IRF7: variants seen among roughly 807,000 people sequenced by gnomAD.
IRF7 encodes interferon regulatory factor-7H.
In IRF7, 67 loss-of-function variants were observed where a neutral mutation model predicts 51.3. That is an observed-to-expected ratio of 1.31 (90% CI 1.07 to 1.60). The LOEUF is 1.60. Ranked by LOEUF, IRF7 falls within the 40% of genes most tolerant of loss-of-function variation. The pLI is 0.00. For synonymous variants in IRF7, 427 were observed against 301.3 expected (o/e 1.42, Z -4.32); for missense variants, 873 against 701.5 (o/e 1.24, Z -2.76).
In IRF7 at chr11:613,612, CTG is replaced by C. The variant is rs1856587262; in HGVS notation, c.848-19_848-18del. On this transcript the variant is annotated intron_variant, in intron 8 of 10. Coordinates refer to ENST00000525445, the MANE Select transcript of IRF7 (RefSeq NM_001572.5). ...GGCTGGGCTCTGTGTGGAGACCAAG[CTG>C]TGAGTGACGGGGGTGGGCGGGGACA... is the stretch of plus-strand genomic sequence containing the variant. 4 of 1,381,294 alleles carry C rather than the reference CTG, an allele frequency of 2.9e-6. No homozygotes were observed. Among genetic ancestry groups the C allele is most frequent in the Non-Finnish European group, 3.8e-6 (4 of 1,051,498 alleles). 85.6% of individuals were successfully genotyped at this position (1,381,294 alleles called of 1,614,324 possible). A position where few individuals can be genotyped will look rare whatever the true frequency, so the allele number is the denominator to read the frequency against.
Position 615,254 on chromosome 11 carries a change from G to A in IRF7, c.26C>T (p.Ala9Val). Residue 9 changes from alanine to valine, a missense_variant, in exon 3 of 11, where the codon GCC (alanine) becomes GTC (valine). Physicochemically the swap from Ala to Val is moderately conservative, Grantham distance 64 (BLOSUM62 0). Coordinates refer to ENST00000525445, the MANE Select transcript of IRF7 (RefSeq NM_001572.5). ...CCACTCTCCGAACAGCACGCGTGGGGCTGCCCTGCGGGTGCCCGGCCGCGG... is the reference window on the plus strand; with the variant it reads ...CCACTCTCCGAACAGCACGCGTGGGACTGCCCTGCGGGTGCCCGGCCGCGG... MALAPERA[A>V]PRVLFGEWLL... 6.3e-7 allele frequency: 1 copy of A among 1,581,432 alleles called. No homozygotes were observed. Among genetic ancestry groups the A allele is most frequent in the Non-Finnish European group, 8.6e-7 (1 of 1,168,694 alleles).
chr11:615,425 T>A lies in IRF7; in HGVS notation c.-61A>T. On this transcript the variant is annotated 5_prime_UTR_variant, in exon 2 of 11. Coordinates refer to ENST00000525445, the MANE Select transcript of IRF7 (RefSeq NM_001572.5). Reference sequence around the variant, plus strand: ...GTGTTATAACAGGGGAGGTAAGGGCTCCTGTCGCAGCAGACGCCAGGCCGC... The same window carrying A: ...GTGTTATAACAGGGGAGGTAAGGGCACCTGTCGCAGCAGACGCCAGGCCGC... 1 of 1,450,444 alleles carries A rather than the reference T, an allele frequency of 6.9e-7. No individual in the cohort carries two copies. Among genetic ancestry groups the A allele is most frequent in the African/African-American group, 1.4e-5 (1 of 70,226 alleles). 89.8% of individuals were successfully genotyped at this position (1,450,444 alleles called of 1,614,324 possible).
rs760482717 is a variant in IRF7, at chr11:614,554, GCGTTAGGCCC to G, written c.395-30_395-21del. The G allele has an allele frequency of 1.0e-5, 16 of 1,550,866 alleles. No individual in the cohort carries two copies. In the African/African-American group the frequency reaches 2.2e-4, roughly 21 times the overall value. On this transcript the variant is annotated intron_variant, in intron 4 of 10. Coordinates refer to ENST00000525445, the MANE Select transcript of IRF7 (RefSeq NM_001572.5). ...GGCCTTCTGAGAGAGAATGGGGCAG[GCGTTAGGCCC>G]CGACACCAGAGTGAGAGATACAAGG...
At position 613,492 on chromosome 11, in the gene IRF7, T is replaced by G; in HGVS notation, c.951A>C (p.Pro317=). ...HPSCTFLYGP[P]DPAVRATDPQ... ...GGTCTGTGGCCCGGACAGCTGGGTC[T>G]GGGGGGCCGTATAGGAACGTGCAGC... The change falls in exon 9 of 11, where the codon CCA becomes CCC. Residue 317 remains proline (P), a synonymous_variant. Coordinates refer to ENST00000525445, the MANE Select transcript of IRF7 (RefSeq NM_001572.5). The G allele has an allele frequency of 6.5e-7, 1 of 1,542,820 alleles. No homozygotes were observed. Among genetic ancestry groups the G allele is most frequent in the Non-Finnish European group, 8.7e-7 (1 of 1,146,596 alleles).
chr11:612,923 C>T (rs1856521321), intron 10 of IRF7, 76 bp downstream of exon 10: 14 of 1,584,680 alleles, frequency 8.8e-6, no homozygotes, highest in South Asian at 2.2e-5. Flanking sequence ...TCCCCCTCTC[C>T]GAGGCTCTGA....
chr11:614,700 C>T, intron 4 of IRF7, 97 bp downstream of exon 4: 2 of 1,430,126 alleles, frequency 1.4e-6, no homozygotes, highest in Admixed American at 2.3e-5. Flanking sequence ...CAGCCTCTCC[C>T]AGAACAGCTT....
rs1483835403 is a variant in IRF7 at position 613,413 on chromosome 11, G to A, written c.1030C>T (p.Arg344Cys). The change falls in exon 9 of 11, where the codon CGC becomes TGC. Residue 344 changes from arginine (R) to cysteine (C), a missense_variant. Physicochemically the swap from Arg to Cys is radical, Grantham distance 180. Coordinates refer to ENST00000525445, the MANE Select transcript of IRF7 (RefSeq NM_001572.5). Reference sequence around the variant, plus strand: ...TGCCGCAGCAGTTCCTCCGTGTAGCGCAGCTGCTTCTGGTCCGGGAGCTCG... The same window carrying A: ...TGCCGCAGCAGTTCCTCCGTGTAGCACAGCTGCTTCTGGTCCGGGAGCTCG... ...PAELPDQKQL[R>C]YTEELLRHVA... 6.3e-6 allele frequency: 10 copies of A among 1,575,030 alleles called. No homozygotes were observed. Among genetic ancestry groups the A allele is most frequent in the Middle Eastern group, 1.7e-4 (1 of 5,918 alleles).
chr11:613,893 G>A (rs773181733), intron 7 of IRF7, 28 bp from the exon 8 acceptor site: 60 of 1,598,380 alleles, frequency 3.8e-5, no homozygotes, highest in Admixed American at 1.4e-4. Flanking sequence ...TCCTGTGCTG[G>A]CACCTCATCC....
In IRF7 at chr11:613,517, C is replaced by T. The variant is rs1856575480; in HGVS notation, c.926G>A (p.Ser309Asn). Reference sequence around the variant, plus strand: ...TGGGGGGCCGTATAGGAACGTGCAGCTCGGGTGTCCCACCACCTTCTGCAG... The same window carrying T: ...TGGGGGGCCGTATAGGAACGTGCAGTTCGGGTGTCCCACCACCTTCTGCAG... Reference protein sequence around the residue: ...TVLQKVVGHPSCTFLYGPPDP... With the variant: ...TVLQKVVGHPNCTFLYGPPDP... The change falls in exon 9 of 11, where the codon AGC becomes AAC. Residue 309 changes from serine (S) to asparagine (N), a missense_variant. Transcript: ENST00000525445. The T allele has an allele frequency of 6.4e-7, 1 of 1,561,980 alleles. No homozygotes were observed. The highest frequency in any genetic ancestry group is 2.2e-5 in the East Asian group (1 of 44,556).
rs1013971273 is a variant in IRF7, at chr11:615,658, G to C, written c.-283-11C>G. 5.0e-6 allele frequency: 2 copies of C among 400,744 alleles called. No homozygotes were observed. Among genetic ancestry groups the C allele is most frequent in the Non-Finnish European group, 8.8e-6 (2 of 226,664 alleles). The allele number at this position is 400,744 out of a possible 1,614,324, so 24.8% of individuals were successfully genotyped here. A position where few individuals can be genotyped will look rare whatever the true frequency, so the allele number is the denominator to read the frequency against. On this transcript the variant is annotated splice_polypyrimidine_tract_variant and intron_variant, in intron 1 of 10. Coordinates refer to ENST00000525445, the MANE Select transcript of IRF7 (RefSeq NM_001572.5). ...GGCGCAGGCCGGACCCTGCGGAGAC[G>C]GGAAAGGCGACGTCAGGGGCGGGTC...
rs557367492 is a variant in IRF7, at chr11:613,769, C to G, written c.847+16G>C. Reference sequence around the variant, plus strand: ...GGTGGGCGGGGACAGGCTGCCCCTTCCTGGGATGCACTCACCTTGCACCGC... The same window carrying G: ...GGTGGGCGGGGACAGGCTGCCCCTTGCTGGGATGCACTCACCTTGCACCGC... On this transcript the variant is annotated intron_variant, in intron 8 of 10. Transcript: ENST00000525445. 63 of 1,532,606 alleles carry G rather than the reference C, an allele frequency of 4.1e-5. No homozygotes were observed. Among genetic ancestry groups the G allele is most frequent in the African/African-American group, 3.6e-4 (26 of 71,728 alleles). The allele number at this position is 1,532,606 out of a possible 1,614,324, so 94.9% of individuals were successfully genotyped here.
chr11:614,651 G>T, intron 4 of IRF7, 117 bp from the exon 5 acceptor site: 1 of 1,403,886 alleles, frequency 7.1e-7, no homozygotes, highest in Non-Finnish European at 9.7e-7. Flanking sequence ...GGCCTGAGGA[G>T]GTGGGGATGT....
chr11:613,724 GA>G, intron 8 of IRF7, 60 bp downstream of exon 8: 2 of 704,622 alleles, frequency 2.8e-6, no homozygotes, highest in Non-Finnish European at 3.7e-6. Context: ...GGTGGGCGGG[GA>G]CAAGCCGTGA....
In IRF7 at chr11:614,822, C is replaced by G; in HGVS notation, c.369G>C (p.Ala123=). 6.4e-7 allele frequency: 1 copy of G among 1,553,234 alleles called. No homozygotes were observed. The highest frequency in any genetic ancestry group is 1.9e-5 in the Admixed American group (1 of 51,962). Residue 123 remains alanine, a synonymous_variant, in exon 4 of 11, where the codon GCG becomes GCC. Coordinates refer to ENST00000525445, the MANE Select transcript of IRF7 (RefSeq NM_001572.5). ...CTCGCCAGCACAGCTCCCGGCTGAG[C>G]GCGTACACCTTGTGCGGGTCGGCCG... The part of the protein sequence containing the change: ...GDPADPHKVY[A]LSRELCWREG...
rs1257744960 is a variant in IRF7 at position 613,263 on chromosome 11, A to T, written c.1180T>A (p.Cys394Ser). 2 of 1,601,028 alleles carry T rather than the reference A, an allele frequency of 1.2e-6. No homozygotes were observed. Among genetic ancestry groups the T allele is most frequent in the Non-Finnish European group, 1.7e-6 (2 of 1,174,724 alleles). The change falls in exon 9 of 11, where the codon TGC becomes AGC. Residue 394 changes from cysteine to serine, a missense_variant. Transcript: ENST00000525445. ...PGSASPSTPA[C>S]LLPRNCDTPI... ...GTGTCACAGTTCCGAGGCAGCAGGC[A>T]GGCTGGGGTGGAGGGGCTGGCGGAG...
At position 615,552 on chromosome 11, in the gene IRF7, G is replaced by C. The variant is rs1185620539; in HGVS notation, c.-188C>G. On this transcript the variant is annotated 5_prime_UTR_variant, in exon 2 of 11. Transcript: ENST00000525445. ...CGGTATGGATCTCTTGGCAGAGGGGGCTACAGGTGTGACTGCAGGTGTGGC... is the reference window on the plus strand; with the variant it reads ...CGGTATGGATCTCTTGGCAGAGGGGCCTACAGGTGTGACTGCAGGTGTGGC... The C allele has an allele frequency of 1.7e-6, 1 of 597,590 alleles. No individual in the cohort carries two copies. Among genetic ancestry groups the C allele is most frequent in the Admixed American group, 3.4e-5 (1 of 29,092 alleles). The allele number at this position is 597,590 out of a possible 1,614,324, so 37.0% of individuals were successfully genotyped here. A position where few individuals can be genotyped will look rare whatever the true frequency, so the allele number is the denominator to read the frequency against.
Position 615,238 on chromosome 11 carries a change from G to C in IRF7, c.42C>G (p.Phe14Leu). 1 of 1,588,772 alleles carries C rather than the reference G, an allele frequency of 6.3e-7. No individual in the cohort carries two copies. Among genetic ancestry groups the C allele is most frequent in the Non-Finnish European group, 8.5e-7 (1 of 1,172,224 alleles). Reference protein sequence around the residue: ...APERAAPRVLFGEWLLGEISS... With the variant: ...APERAAPRVLLGEWLLGEISS... ...TGATCTCTCCAAGGAGCCACTCTCC[G>C]AACAGCACGCGTGGGGCTGCCCTGC... is the stretch of plus-strand genomic sequence containing the variant. Residue 14 changes from phenylalanine (F) to leucine (L), a missense_variant, in exon 3 of 11, where the codon TTC becomes TTG. Phe to Leu is a conservative substitution (Grantham distance 22, BLOSUM62 0). Coordinates refer to ENST00000525445, the MANE Select transcript of IRF7 (RefSeq NM_001572.5).
rs1388334813 is a variant in IRF7, at chr11:613,090, C to T, written c.1265G>A (p.Arg422His). 3.7e-6 allele frequency: 6 copies of T among 1,612,922 alleles called. No homozygotes were observed. The highest frequency in any genetic ancestry group is 1.1e-5 in the South Asian group (1 of 91,092). Reference protein sequence around the residue: ...QELVEFRARQRRGSPRYTIYL... With the variant: ...QELVEFRARQHRGSPRYTIYL... ...GATGGTATAGCGTGGGGAGCCACGG[C>T]GCTGCCGTGCCCGGAATTCCACCAG... Residue 422 changes from arginine to histidine, a missense_variant, in exon 10 of 11, where the codon CGC (arginine) becomes CAC (histidine). Transcript: ENST00000525445.
intron 3 of IRF7, 34 bp from the exon 4 acceptor site, chr11:615,041 C>A: frequency 6.5e-7 from 1 of 1,547,634 alleles, no homozygotes; most frequent in East Asian, 2.3e-5. Flanking sequence ...GTGCCGGGCC[C>A]GCGGGGTCCT....
Sources: allele counts gnomAD v4.1 joint callset, GRCh38; gene constraint gnomAD v4.1.1; transcripts MANE v1.5; gene names NCBI Gene and HGNC (gene_info 2026-07-23, HGNC 2026-07-21).